The following NCOA6 variants were observed in gnomAD, a reference collection of about 807,000 sequenced individuals.
NCOA6 encodes the protein NRC RAP250.
A neutral mutation model predicts 171.4 loss-of-function variants in NCOA6; 49 were observed. That is an observed-to-expected ratio of 0.29 (90% CI 0.23 to 0.36). NCOA6 has a LOEUF of 0.36. Ranked by LOEUF, NCOA6 falls within the 10% of genes least tolerant of loss-of-function variation. NCOA6 has a pLI of 1.00. For synonymous variants in NCOA6, 910 were observed against 927.5 expected (o/e 0.98, Z 0.34); for missense variants, 2,248 against 2,554.5 (o/e 0.88, Z 2.59).
intron 11 of NCOA6, chr20:34,738,851 G>C (rs1408791335): frequency 2.2e-6 from 1 of 455,782 alleles, no homozygotes; most frequent in Non-Finnish European, 4.4e-6. Context: ...TTTGAACTCT[G>C]ATCTTACCCT....
chr20:34,787,942 C>G (rs1011866427), intron 2 of NCOA6, among the ~76,000 whole-genome samples: 1 of 151,028 alleles, frequency 6.6e-6, no homozygotes, highest in Non-Finnish European at 1.5e-5. Context: ...TCTCAGCTCA[C>G]AGCAACCGCC....
chr20:34,805,231 T>C (rs754880694), intron 1 of NCOA6, among the ~76,000 whole-genome samples: 8 of 152,030 alleles, frequency 5.3e-5, no homozygotes, highest in Non-Finnish European at 1.2e-4. Flanking sequence ...TTAGTAGAGA[T>C]GAGGTTTTGC....
At chr20:34,788,839 G>A (rs917817991) in intron 2 of NCOA6, among the ~76,000 whole-genome samples, 7 of 152,336 alleles carry the variant, frequency 4.6e-5, no homozygotes, top group South Asian at 2.1e-4. Flanking sequence ...CAGCTACTGG[G>A]AGGCTAAGGC....
rs534559912 is a variant in NCOA6 at position 34,773,839 on chromosome 20, A to G, written c.391+2454T>C. Among the ~76,000 whole-genome samples, 6 of 152,176 alleles carry G rather than the reference A, an allele frequency of 3.9e-5. No individual in the cohort carries two copies. The East Asian group carries it at 9.7e-4, about 24-fold the overall frequency. On this transcript the variant is annotated intron_variant, in intron 4 of 14. Transcript: ENST00000359003. ...GTGGCTGGCCAACATTCTTCTTACAACTTACAAAATCAACAGCCCAGTTCC... is the reference window on the plus strand; with the variant it reads ...GTGGCTGGCCAACATTCTTCTTACAGCTTACAAAATCAACAGCCCAGTTCC...
chr20:34,769,668 T>C (rs2077085021), intron 4 of NCOA6, among the ~76,000 whole-genome samples: 1 of 152,090 alleles, frequency 6.6e-6, no homozygotes, highest in African/African-American at 2.4e-5. Flanking sequence ...CCAGCCTGCA[T>C]AGGATTTTTA....
chr20:34,817,246 T>TTG (rs1198480747), intron 1 of NCOA6, among the ~76,000 whole-genome samples: 1 of 151,272 alleles, frequency 6.6e-6, no homozygotes, highest in African/African-American at 2.4e-5. Context: ...TTTGTTGCCT[T>TTG]TGTGTGTGTG....
chr20:34,804,444 C>T (rs1003613922), intron 1 of NCOA6, among the ~76,000 whole-genome samples: 2 of 149,262 alleles, frequency 1.3e-5, no homozygotes, highest in Admixed American at 6.7e-5. Context: ...GAGGTTGAGG[C>T]TGCAGTGAGC....
At chr20:34,819,020 T>A (rs2078927162) in intron 1 of NCOA6, among the ~76,000 whole-genome samples, 1 of 152,312 alleles carries the variant, frequency 6.6e-6, no homozygotes, top group East Asian at 1.9e-4. Context: ...CTAAGCTGAA[T>A]TTCACCTCAT....
intron 1 of NCOA6, among the ~76,000 whole-genome samples, chr20:34,812,521 A>G (rs191120628): frequency 6.6e-6 from 1 of 152,268 alleles, no homozygotes. Flanking sequence ...GAAACAAAAG[A>G]TAAATTAGTA....
intron 7 of NCOA6, 65 bp downstream of exon 7, chr20:34,757,155 C>T (rs976686152): frequency 6.9e-7 from 1 of 1,454,460 alleles, no homozygotes; most frequent in African/African-American, 1.4e-5. Context: ...ACTCTAAAAA[C>T]TGAAGTTCTA....
intron 1 of NCOA6, among the ~76,000 whole-genome samples, chr20:34,799,279 T>C (rs1268114372): frequency 1.3e-5 from 2 of 152,076 alleles, no homozygotes; most frequent in South Asian, 2.1e-4. Flanking sequence ...ACAGCCTCTT[T>C]GAAAATACAA....
chr20:34,825,490 C>T lies in NCOA6; in HGVS notation c.-182G>A, dbSNP rs1208078780. The T allele has an allele frequency of 6.7e-6, 1 of 148,510 alleles. No individual in the cohort carries two copies. Among genetic ancestry groups the T allele is most frequent in the East Asian group, 2.0e-4 (1 of 5,048 alleles). The allele number at this position is 148,510 out of a possible 1,614,324, so 9.2% of individuals were successfully genotyped here. A position where few individuals can be genotyped will look rare whatever the true frequency, so the allele number is the denominator to read the frequency against. ...CCCTCACCTGAGCGCGGCCCCGGCC[C>T]TCCCGGGCGGGCCTTGGAGCGCCGG... On this transcript the variant is annotated 5_prime_UTR_variant, in exon 1 of 15. Coordinates refer to ENST00000359003, the MANE Select transcript of NCOA6 (RefSeq NM_014071.5).
At chr20:34,728,048 T>C (rs114553151) in intron 13 of NCOA6, among the ~76,000 whole-genome samples, 13 of 152,306 alleles carry the variant, frequency 8.5e-5, no homozygotes, top group South Asian at 4.1e-4. Context: ...CCTAAGGTAA[T>C]AGTTCCCTTC....
chr20:34,720,871 T>G (rs1434763454), intron 14 of NCOA6, among the ~76,000 whole-genome samples: 1 of 152,206 alleles, frequency 6.6e-6, no homozygotes, highest in Non-Finnish European at 1.5e-5. Context: ...TGGTTCACAT[T>G]TTTGGATACA....
At chr20:34,732,040 T>C (rs1326086092) in intron 13 of NCOA6, among the ~76,000 whole-genome samples, 2 of 152,192 alleles carry the variant, frequency 1.3e-5, no homozygotes, top group African/African-American at 4.8e-5. Context: ...GCATGACTTT[T>C]GGAAAATGGT....
intron 14 of NCOA6, among the ~76,000 whole-genome samples, chr20:34,723,679 A>G (rs1414913022): frequency 6.6e-6 from 1 of 152,206 alleles, no homozygotes; most frequent in Non-Finnish European, 1.5e-5. Context: ...GTTCAGTTTA[A>G]GTGTACAGGC....
chr20:34,799,395 T>C (rs777948752), intron 1 of NCOA6, among the ~76,000 whole-genome samples: 9 of 151,250 alleles, frequency 6.0e-5, no homozygotes, highest in Non-Finnish European at 1.3e-4. Flanking sequence ...GGAGGTAGAG[T>C]GAAAGAGAGG....
intron 14 of NCOA6, among the ~76,000 whole-genome samples, chr20:34,719,181 A>T (rs996598390): frequency 1.3e-5 from 2 of 152,202 alleles, no homozygotes; most frequent in Non-Finnish European, 2.9e-5. Context: ...GACCTTAAGC[A>T]AATTTGACCA....
chr20:34,777,557 G>A (rs1332826936), intron 3 of NCOA6, among the ~76,000 whole-genome samples: 1 of 151,966 alleles, frequency 6.6e-6, no homozygotes, highest in African/African-American at 2.4e-5. Context: ...GGAGGTTGCT[G>A]TGAGCCCAGA....
Sources: gnomAD v4.1 joint callset for allele counts (sites outside exome capture counted in the v4.1 genomes callset) on GRCh38, gnomAD v4.1.1 for gene constraint, MANE v1.5 for transcripts, NCBI Gene and HGNC (gene_info 2026-07-23, HGNC 2026-07-21) for gene names.